The following DCUN1D2 variants were observed in gnomAD, a reference collection of about 807,000 sequenced individuals.
DCUN1D2 encodes the protein DCN1-like protein 2.
In DCUN1D2, 29 loss-of-function variants were observed where a neutral mutation model predicts 30.9. The observed-to-expected ratio is 0.94, with a 90% CI of 0.70 to 1.28. DCUN1D2 has a LOEUF of 1.28. DCUN1D2 is among the 50% of genes most tolerant of loss of function. DCUN1D2 has a pLI of 0.00. For missense variants in DCUN1D2, 325 were observed against 316.9 expected, an observed-to-expected ratio of 1.03 and a Z score of -0.19; for synonymous variants, 121 against 115.3, an observed-to-expected ratio of 1.05 and a Z score of -0.32.
chr13:113,482,496 A>G (rs2044727803), intron 2 of DCUN1D2, among the ~76,000 whole-genome samples: 1 of 152,222 alleles, frequency 6.6e-6, no homozygotes, highest in African/African-American at 2.4e-5. Flanking sequence ...ATTCTTTGGG[A>G]ACTACAATAA....
rs533511211 is a variant in DCUN1D2 at position 113,479,325 on chromosome 13, G to GT, written c.389+1249dup. Among the ~76,000 whole-genome samples, 45 of 151,948 alleles carry GT rather than the reference G, an allele frequency of 3.0e-4. No homozygotes were observed. In the South Asian group the frequency reaches 9.2e-3, roughly 31 times the overall value. ...GACTCTTCAACAAATACATAAAAAC[G>GT]TAAGTGTGACTGCCTTCTTGGTGAG... On this transcript the variant is annotated intron_variant, in intron 3 of 6. Coordinates refer to ENST00000478244, the MANE Select transcript of DCUN1D2 (RefSeq NM_001014283.2).
At chr13:113,472,732 G>T (rs2044543491) in intron 4 of DCUN1D2, among the ~76,000 whole-genome samples, 1 of 152,210 alleles carries the variant, frequency 6.6e-6, no homozygotes, top group South Asian at 2.1e-4. Context: ...CAAGGCTGGA[G>T]GTCTCGACAC....
intron 4 of DCUN1D2, among the ~76,000 whole-genome samples, chr13:113,463,779 C>G (rs200236481): frequency 4.2e-5 from 6 of 144,044 alleles, no homozygotes; most frequent in Admixed American, 2.0e-4. Flanking sequence ...CACACACAGA[C>G]ACACACAGAG....
At chr13:113,478,560 G>A (rs1357290626) in intron 3 of DCUN1D2, among the ~76,000 whole-genome samples, 1 of 151,840 alleles carries the variant, frequency 6.6e-6, no homozygotes, top group African/African-American at 2.4e-5. Context: ...TTCTTGAGAT[G>A]GAAGGCTTTG....
chr13:113,460,824 A>G (rs549475106), intron 5 of DCUN1D2, among the ~76,000 whole-genome samples: 18 of 152,364 alleles, frequency 1.2e-4, no homozygotes, highest in African/African-American at 4.3e-4. Context: ...GTGACTGCCA[A>G]GAAGCCACGT....
intron 2 of DCUN1D2, among the ~76,000 whole-genome samples, chr13:113,483,266 C>A (rs2139739215): frequency 6.6e-6 from 1 of 152,304 alleles, no homozygotes; most frequent in Non-Finnish European, 1.5e-5. Flanking sequence ...GATCCAAGCA[C>A]TGATGTCAAT....
upstream of DCUN1D2, chr13:113,490,770 G>C: frequency 9.2e-7 from 1 of 1,089,116 alleles, no homozygotes; most frequent in Non-Finnish European, 1.1e-6. This position sits in a 1 kb window ranked among gnomAD's most constrained non-coding sequence, Gnocchi z 5.2. Context: ...CGGCTCCGGG[G>C]CAGTGCCGGG....
At chr13:113,462,986 T>TGA in intron 4 of DCUN1D2, 1 of 474,854 alleles carries the variant, frequency 2.1e-6, no homozygotes. Flanking sequence ...ACAAAGGACC[T>TGA]GATTTGTATG....
At position 113,458,101 on chromosome 13, in the gene DCUN1D2, C is replaced by G; in HGVS notation, c.708G>C (p.Trp236Cys). Reference protein sequence around the residue: ...DMSNYDEEGAWPVLIDDFVEY... With the variant: ...DMSNYDEEGACPVLIDDFVEY... Reference sequence around the variant, plus strand: ...CTACAAAATCATCTATAAGAACGGGCCAAGCTCCTAAAGGAAAGCAAGCAA... The same window carrying G: ...CTACAAAATCATCTATAAGAACGGGGCAAGCTCCTAAAGGAAAGCAAGCAA... The change falls in exon 7 of 7, where the codon TGG (tryptophan) becomes TGC (cysteine). Residue 236 changes from tryptophan (W) to cysteine (C), a missense_variant. Trp to Cys is a radical substitution (Grantham distance 215, BLOSUM62 -2). Coordinates refer to ENST00000478244, the MANE Select transcript of DCUN1D2 (RefSeq NM_001014283.2). 1 of 1,614,110 alleles carries G rather than the reference C, an allele frequency of 6.2e-7. No individual in the cohort carries two copies. The highest frequency in any genetic ancestry group is 8.5e-7 in the Non-Finnish European group (1 of 1,179,990).
At chr13:113,481,489 G>A (rs1427851878) in intron 2 of DCUN1D2, among the ~76,000 whole-genome samples, 6 of 152,154 alleles carry the variant, frequency 3.9e-5, no homozygotes, top group Non-Finnish European at 7.3e-5. Context: ...TAGCTTCTCT[G>A]CTCAAAGAAA....
At chr13:113,482,290 G>A (rs1238349324) in intron 2 of DCUN1D2, among the ~76,000 whole-genome samples, 1 of 152,248 alleles carries the variant, frequency 6.6e-6, no homozygotes, top group South Asian at 2.1e-4. Flanking sequence ...TAATAATGAA[G>A]GGATGAAGCT....
upstream of DCUN1D2, among the ~76,000 whole-genome samples, chr13:113,491,497 C>T (rs1233750668): frequency 1.3e-5 from 2 of 151,224 alleles, no homozygotes; most frequent in Admixed American, 6.6e-5. Flanking sequence ...TCCTTCCTTC[C>T]CTCCCTCCCT....
At chr13:113,458,456 T>C (rs2044263160) in intron 6 of DCUN1D2, among the ~76,000 whole-genome samples, 1 of 152,200 alleles carries the variant, frequency 6.6e-6, no homozygotes, top group South Asian at 2.1e-4. Flanking sequence ...ATTGGTATTC[T>C]TGCCAGCAGG....
chr13:113,474,818 C>T (rs2044586160), intron 3 of DCUN1D2, among the ~76,000 whole-genome samples: 1 of 152,214 alleles, frequency 6.6e-6, no homozygotes, highest in Non-Finnish European at 1.5e-5. Flanking sequence ...TCTGTCCCAT[C>T]ATACAAGCGA....
At chr13:113,458,814 G>A (rs895125750) in intron 6 of DCUN1D2, among the ~76,000 whole-genome samples, 1 of 152,214 alleles carries the variant, frequency 6.6e-6, no homozygotes, top group Non-Finnish European at 1.5e-5. Flanking sequence ...CTAGAGGGGA[G>A]GCCTTCCACC....
intron 6 of DCUN1D2, among the ~76,000 whole-genome samples, chr13:113,458,310 G>A (rs1311910530): frequency 6.6e-6 from 1 of 152,232 alleles, no homozygotes; most frequent in Non-Finnish European, 1.5e-5. Flanking sequence ...CCTGGTGTGT[G>A]TGTGCTGGCA....
intron 3 of DCUN1D2, among the ~76,000 whole-genome samples, chr13:113,474,471 G>A (rs1385633564): frequency 6.6e-6 from 1 of 152,208 alleles, no homozygotes; most frequent in Non-Finnish European, 1.5e-5. Flanking sequence ...AAAACGTTCT[G>A]AGACAGATAC....
rs2044228520 is a variant in DCUN1D2, at chr13:113,456,503, T to C, written c.*1526A>G. ...TAGGTCATCTGCGGCGACTCTCCTC[T>C]GTGCTGGGCAGCAGCTCCAGCTGGT... is the stretch of plus-strand genomic sequence containing the variant. On this transcript the variant is annotated 3_prime_UTR_variant, in exon 7 of 7. Transcript: ENST00000478244. 1 of 397,786 alleles carries C rather than the reference T, an allele frequency of 2.5e-6. No homozygotes were observed. The highest frequency in any genetic ancestry group is 2.1e-5 in the African/African-American group (1 of 48,740). 24.6% of individuals were successfully genotyped at this position (397,786 alleles called of 1,614,324 possible).
At chr13:113,471,692 G>A (rs1011752697) in intron 4 of DCUN1D2, among the ~76,000 whole-genome samples, 2 of 152,138 alleles carry the variant, frequency 1.3e-5, no homozygotes, top group African/African-American at 2.4e-5. Context: ...CAAGAAGATT[G>A]GCTTATCATC....
Sources: allele counts gnomAD v4.1 joint callset (sites outside exome capture counted in the v4.1 genomes callset), GRCh38; gene constraint gnomAD v4.1.1; non-coding constraint Gnocchi (gnomAD v3.1); transcripts MANE v1.5; gene names NCBI Gene and HGNC (gene_info 2026-07-23, HGNC 2026-07-21).